Variants in TOX4 observed in about 807,000 individuals in gnomAD.
The protein encoded by TOX4 is epidermal Langerhans cell protein LCP1.
A neutral mutation model predicts 61.0 loss-of-function variants in TOX4; 12 were observed. The ratio of observed to expected loss-of-function variants is 0.20; its 90% CI spans 0.13 to 0.32. The LOEUF (loss-of-function observed/expected upper bound fraction) is 0.32, where lower values mean the gene tolerates loss of function less well. TOX4 is among the 10% of genes least tolerant of loss of function. The pLI is 1.00. For synonymous variants in TOX4, 268 were observed against 274.8 expected (o/e 0.98, Z 0.24); for missense variants, 499 against 753.3 (o/e 0.66, Z 3.95).
intron 5 of TOX4, 101 bp from the exon 6 acceptor site, chr14:21,492,195 C>T (rs1473582413): frequency 1.8e-6 from 2 of 1,139,684 alleles, no homozygotes; most frequent in Middle Eastern, 2.6e-4. Flanking sequence ...AGTGATTAGA[C>T]TAAGATGAAT....
intron 5 of TOX4, 135 bp downstream of exon 5, chr14:21,489,538 G>A: frequency 1.2e-6 from 1 of 807,744 alleles, no homozygotes; most frequent in Non-Finnish European, 1.9e-6. Flanking sequence ...ATCATCCCTT[G>A]TCTTCGAAGT....
intron 5 of TOX4, among the ~76,000 whole-genome samples, chr14:21,490,453 C>T (rs1379972231): frequency 6.6e-6 from 1 of 152,132 alleles, no homozygotes; most frequent in Non-Finnish European, 1.5e-5. Context: ...CCAGCCTGGG[C>T]AACAAGAGTG....
At position 21,489,168 on chromosome 14, in the gene TOX4, T is replaced by C; in HGVS notation, c.580-5T>C. ...GTGTAATTCTCTCTTTTTTCTCTCC[T>C]ACAGCAACTTCCCAGCCAGAAGACA... is the stretch of plus-strand genomic sequence containing the variant. On this transcript the variant is annotated splice_polypyrimidine_tract_variant and splice_region_variant and intron_variant, in intron 4 of 8. Transcript: ENST00000448790. 6.2e-7 allele frequency: 1 copy of C among 1,612,672 alleles called. No homozygotes were observed. Among genetic ancestry groups the C allele is most frequent in the South Asian group, 1.1e-5 (1 of 90,848 alleles).
intron 7 of TOX4, among the ~76,000 whole-genome samples, chr14:21,493,528 A>G (rs1423565561): frequency 4.6e-5 from 7 of 151,336 alleles, no homozygotes; most frequent in Non-Finnish European, 1.0e-4. Flanking sequence ...TGCAACCTCT[A>G]CCTCCTGGGT....
rs1891314471 is a variant in TOX4 at position 21,492,595 on chromosome 14, C to T, written c.979C>T (p.Pro327Ser). The T allele has an allele frequency of 6.2e-7, 1 of 1,613,892 alleles. No individual in the cohort carries two copies. The highest frequency in any genetic ancestry group is 8.5e-7 in the Non-Finnish European group (1 of 1,180,026). ...TATGGCTACTGTTGACCCAGCATCT[C>T]CAGCACCAGCTTCAATAGAGCCCCC... Reference protein sequence around the residue: ...PPMATVDPASPAPASIEPPAL... With the variant: ...PPMATVDPASSAPASIEPPAL... Residue 327 changes from proline to serine, a missense_variant, in exon 7 of 9, where the codon CCA (proline) becomes TCA (serine). Pro to Ser is a moderately conservative substitution (Grantham distance 74). Transcript: ENST00000448790.
In TOX4 at chr14:21,493,076, A is replaced by G; in HGVS notation, c.1460A>G (p.Gln487Arg). ...AAAGTTCGAATCAATTTACAGCAACAGCCTCCTCCTCTGCAGATCAAGAGT... is the reference window on the plus strand; with the variant it reads ...AAAGTTCGAATCAATTTACAGCAACGGCCTCCTCCTCTGCAGATCAAGAGT... The part of the protein sequence containing the change: ...PQKVRINLQQ[Q>R]PPPLQIKSVP... Residue 487 changes from glutamine (Q) to arginine (R), a missense_variant, in exon 7 of 9, where the codon CAG (glutamine) becomes CGG (arginine). Transcript: ENST00000448790. The G allele has an allele frequency of 6.2e-7, 1 of 1,614,176 alleles. No individual in the cohort carries two copies. Among genetic ancestry groups the G allele is most frequent in the Non-Finnish European group, 8.5e-7 (1 of 1,180,032 alleles).
chr14:21,488,991 T>A, intron 4 of TOX4, 141 bp downstream of exon 4: 1 of 1,318,658 alleles, frequency 7.6e-7, no homozygotes, highest in Non-Finnish European at 1.0e-6. Flanking sequence ...CACCTCCCAA[T>A]TTCCAGTTTA....
At chr14:21,488,974 G>A (rs1422606780) in intron 4 of TOX4, 124 bp downstream of exon 4, 2 of 1,402,176 alleles carry the variant, frequency 1.4e-6, no homozygotes, top group Non-Finnish European at 1.9e-6. Flanking sequence ...TTCTGGGTAT[G>A]GGGTTCCACC....
chr14:21,496,701 C>G lies in TOX4; in HGVS notation c.*95C>G. The G allele has an allele frequency of 9.6e-7, 1 of 1,040,658 alleles. No homozygotes were observed. Among genetic ancestry groups the G allele is most frequent in the Non-Finnish European group, 1.5e-6 (1 of 676,804 alleles). 64.5% of individuals were successfully genotyped at this position (1,040,658 alleles called of 1,614,324 possible). On this transcript the variant is annotated 3_prime_UTR_variant, in exon 9 of 9. Coordinates refer to ENST00000448790, the MANE Select transcript of TOX4 (RefSeq NM_014828.4). ...ACAAGCTGGGCTTCTGGTAGTGCCT[C>G]ATCACAACCCATGATGGCTGTTCAT... is the stretch of plus-strand genomic sequence containing the variant.
At chr14:21,488,959 C>T (rs1891239155) in intron 4 of TOX4, 109 bp downstream of exon 4, 2 of 1,478,414 alleles carry the variant, frequency 1.4e-6, no homozygotes, top group Admixed American at 2.0e-5. Context: ...ATCTCCTCTG[C>T]TGTTTTCTGG....
chr14:21,495,615 A>T, intron 8 of TOX4: 1 of 435,252 alleles, frequency 2.3e-6, no homozygotes, highest in Non-Finnish European at 4.1e-6. Context: ...GTTACCACAT[A>T]CCTCTCTTAT....
Position 21,498,962 on chromosome 14 carries a change from A to T in TOX4, c.*2356A>T. On this transcript the variant is annotated 3_prime_UTR_variant, in exon 9 of 9. Coordinates refer to ENST00000448790, the MANE Select transcript of TOX4 (RefSeq NM_014828.4). ...TGTAAAACAATGTGAAGCTCTACTA[A>T]GTTCTGTCCTTAATCATAAATAATA... is the stretch of plus-strand genomic sequence containing the variant. 1 of 1,129,886 alleles carries T rather than the reference A, an allele frequency of 8.9e-7. No individual in the cohort carries two copies. The highest frequency in any genetic ancestry group is 1.2e-5 in the South Asian group (1 of 80,372). The allele number at this position is 1,129,886 out of a possible 1,614,324, so 70.0% of individuals were successfully genotyped here.
chr14:21,498,254 G>A lies in TOX4; in HGVS notation c.*1648G>A. 1.3e-6 allele frequency: 2 copies of A among 1,510,820 alleles called. No individual in the cohort carries two copies. The highest frequency in any genetic ancestry group is 1.1e-5 in the South Asian group (1 of 88,976). The allele number at this position is 1,510,820 out of a possible 1,614,324, so 93.6% of individuals were successfully genotyped here. ...TGGATTCTTAGCTCTGTAAGGAAGT[G>A]CTTCTATAAATTCTTAGGTTTAGAG... On this transcript the variant is annotated 3_prime_UTR_variant, in exon 9 of 9. Transcript: ENST00000448790.
At chr14:21,487,890 A>G (rs138114357) in intron 3 of TOX4, 197 bp downstream of exon 3, 11 of 562,854 alleles carry the variant, frequency 2.0e-5, no homozygotes, top group African/African-American at 1.5e-4. Flanking sequence ...AAAATAATTT[A>G]AAATTGTACA....
chr14:21,477,313 C>A, intron 1 of TOX4, 29 bp downstream of exon 1: 3 of 1,613,892 alleles, frequency 1.9e-6, no homozygotes, highest in Non-Finnish European at 2.5e-6. Context: ...AGAAGGCTGG[C>A]GAGAGAACGC....
chr14:21,477,243 ATGAGGGTCTGAGACGGTGGGAGCGG>A lies in TOX4; in HGVS notation c.-34_-10del. The A allele has an allele frequency of 6.2e-7, 1 of 1,613,828 alleles. No individual in the cohort carries two copies. Among genetic ancestry groups the A allele is most frequent in the Non-Finnish European group, 8.5e-7 (1 of 1,179,852 alleles). On this transcript the variant is annotated 5_prime_UTR_variant, in exon 1 of 9. An upstream start codon of the reference 5' UTR is lost. Coordinates refer to ENST00000448790, the MANE Select transcript of TOX4 (RefSeq NM_014828.4). ...GAGTCCAGTGGGGGCGGTGGGAGCG[ATGAGGGTCTGAGACGGTGGGAGCGG>A]TTGTGTGAAGATGGAGGTAGGAACC...
chr14:21,491,412 T>C (rs975571313), intron 5 of TOX4, among the ~76,000 whole-genome samples: 37 of 152,020 alleles, frequency 2.4e-4, no homozygotes, highest in Middle Eastern at 3.2e-3. Flanking sequence ...CAGGCTGGAG[T>C]GCAGTAGCAC....
intron 8 of TOX4, chr14:21,495,656 C>T (rs57426828): frequency 1.3e-5 from 3 of 231,188 alleles, no homozygotes; most frequent in Admixed American, 5.6e-5. Context: ...ATACATTAAG[C>T]TGTTAGTGTT....
intron 2 of TOX4, among the ~76,000 whole-genome samples, chr14:21,484,683 T>C (rs1163431226): frequency 9.7e-6 from 1 of 103,340 alleles, no homozygotes. Context: ...TTTTTAGACA[T>C]GGTCTTGGTC....
Sources: allele counts gnomAD v4.1 joint callset (sites outside exome capture counted in the v4.1 genomes callset), GRCh38; gene constraint gnomAD v4.1.1; transcripts MANE v1.5; gene names NCBI Gene and HGNC (gene_info 2026-07-23, HGNC 2026-07-21).